The following KCNQ1 variants were observed in gnomAD, a reference collection of about 807,000 sequenced individuals.
KCNQ1 encodes the protein potassium voltage-gated channel subfamily Q member 1.
KCNQ1 carries 49 observed loss-of-function variants against 72.4 expected under a neutral mutation model. That is an observed-to-expected ratio of 0.68 (90% CI 0.54 to 0.86). The LOEUF is 0.86. Among genes scored for constraint, KCNQ1 ranks in the 40% least tolerant of loss-of-function variants. KCNQ1 has a pLI of 0.00. For synonymous variants in KCNQ1, 450 were observed against 412.6 expected, an observed-to-expected ratio of 1.09 and a Z score of -1.10; for missense variants, 790 against 945.1, an observed-to-expected ratio of 0.84 and a Z score of 2.15.
Position 2,766,452 on chromosome 11 carries a change from G to A in KCNQ1, c.1515-2392G>A, listed in dbSNP as rs1418006200. Among the ~76,000 whole-genome samples the A allele has an allele frequency of 6.6e-6, 1 of 152,186 alleles. No individual in the cohort carries two copies. Among genetic ancestry groups the A allele is most frequent in the Non-Finnish European group, 1.5e-5 (1 of 68,042 alleles). ...CAGGCTAGCTCAGACTTGTCCATGA[G>A]CCAACAGAATTCTAAGAGGGTAAGA... On this transcript the variant is annotated intron_variant, in intron 11 of 15. Transcript: ENST00000155840. The surrounding 1 kb of genome is among the most constrained non-coding windows in gnomAD (Gnocchi z 4.4).
rs1847687097 is a variant in KCNQ1, at chr11:2,819,409, A to C, written c.1795-28358A>C. Among the ~76,000 whole-genome samples, 4 of 152,208 alleles carry C rather than the reference A, an allele frequency of 2.6e-5. No homozygotes were observed. The South Asian group carries it at 8.3e-4, about 31-fold the overall frequency. On this transcript the variant is annotated intron_variant, in intron 15 of 15. Coordinates refer to ENST00000155840, the MANE Select transcript of KCNQ1 (RefSeq NM_000218.3). ...ACATCCAACACGTGTCAGCCCATAC[A>C]TGAGGGTAGAAGTCCAGTTGAAAAC...
chr11:2,719,326 T>C, intron 11 of KCNQ1, among the ~76,000 whole-genome samples: 1 of 72,438 alleles, frequency 1.4e-5, no homozygotes, highest in Non-Finnish European at 2.7e-5. Flanking sequence ...AGACTCTGTC[T>C]CTACCAAAAA....
chr11:2,498,374 A>G lies in KCNQ1; in HGVS notation c.387-29554A>G, dbSNP rs752399697. On this transcript the variant is annotated intron_variant, in intron 1 of 15. Transcript: ENST00000155840. This position sits in a 1 kb window ranked among gnomAD's most constrained non-coding sequence, Gnocchi z 4.8. ...ACTGGGGCTGCTGCCTTTCTTTCAGAGATGCCCTGCCCAGTGAGGAGGAAT... is the reference window on the plus strand; with the variant it reads ...ACTGGGGCTGCTGCCTTTCTTTCAGGGATGCCCTGCCCAGTGAGGAGGAAT... Among the ~76,000 whole-genome samples, 5 of 152,188 alleles carry G rather than the reference A, an allele frequency of 3.3e-5. No homozygotes were observed. Among genetic ancestry groups the G allele is most frequent in the Admixed American group, 2.0e-4 (3 of 15,282 alleles).
intron 15 of KCNQ1, among the ~76,000 whole-genome samples, chr11:2,801,061 T>C (rs1314861224): frequency 6.6e-6 from 1 of 152,126 alleles, no homozygotes; most frequent in Non-Finnish European, 1.5e-5. Context: ...GGTGCAGGGC[T>C]GGGGCAGGGC....
chr11:2,685,254 C>T (rs1247371670), intron 11 of KCNQ1: 1 of 398,564 alleles, frequency 2.5e-6, no homozygotes, highest in Non-Finnish European at 4.4e-6. Context: ...TACCAAACTC[C>T]AGGGCACACG....
rs1327180276 is a variant in KCNQ1 at position 2,613,210 on chromosome 11, C to T, written c.1393+24356C>T. ...ATAACTCTGTCCTGTATTTTACTGT[C>T]TGCTTGCAAAAGGTCTCACAGTCAG... On this transcript the variant is annotated intron_variant, in intron 10 of 15. Coordinates refer to ENST00000155840, the MANE Select transcript of KCNQ1 (RefSeq NM_000218.3). The surrounding 1 kb of genome is among the most constrained non-coding windows in gnomAD (Gnocchi z 4.8). 2 of 398,544 alleles carry T rather than the reference C, an allele frequency of 5.0e-6. No homozygotes were observed. The highest frequency in any genetic ancestry group is 4.4e-5 in the Admixed American group (1 of 22,718). The allele number at this position is 398,544 out of a possible 1,614,324, so 24.7% of individuals were successfully genotyped here.
At chr11:2,539,456 A>G (rs373910721) in intron 2 of KCNQ1, among the ~76,000 whole-genome samples, 1 of 152,202 alleles carries the variant, frequency 6.6e-6, no homozygotes, top group African/African-American at 2.4e-5. Context: ...AATACCTGAC[A>G]TCTTTGCGGG....
chr11:2,711,719 T>C lies in KCNQ1; in HGVS notation c.1514+49638T>C, dbSNP rs1045247311. 6.6e-6 allele frequency among the ~76,000 whole-genome samples: 1 copy of C among 152,230 alleles called. No homozygotes were observed. The highest frequency in any genetic ancestry group is 1.5e-5 in the Non-Finnish European group (1 of 68,038). On this transcript the variant is annotated intron_variant, in intron 11 of 15. Coordinates refer to ENST00000155840, the MANE Select transcript of KCNQ1 (RefSeq NM_000218.3). The surrounding 1 kb of genome is among the most constrained non-coding windows in gnomAD (Gnocchi z 5.4). ...AACTAAGTGAGGTATCTTAAGGCTTTACCACCAGGGAAATAGAACTTTGGC... is the reference window on the plus strand; with the variant it reads ...AACTAAGTGAGGTATCTTAAGGCTTCACCACCAGGGAAATAGAACTTTGGC...
chr11:2,616,267 T>C (rs1849062833), intron 10 of KCNQ1: 1 of 397,692 alleles, frequency 2.5e-6, no homozygotes, highest in South Asian at 1.3e-4. Flanking sequence ...ATTTTAGATA[T>C]GTGCAACTTC....
intron 11 of KCNQ1, among the ~76,000 whole-genome samples, chr11:2,749,980 G>T (rs1846201539): frequency 6.6e-6 from 1 of 151,404 alleles, no homozygotes. Context: ...AAAATAAAAA[G>T]TACAGGGGCT....
chr11:2,698,089 G>A lies in KCNQ1; in HGVS notation c.1514+36008G>A, dbSNP rs557145101. ...GCCTGCTTTCCTTCAAGTACTGACTGAGTAAGGCTGTGTATCAGGCTCTTG... is the reference window on the plus strand; with the variant it reads ...GCCTGCTTTCCTTCAAGTACTGACTAAGTAAGGCTGTGTATCAGGCTCTTG... On this transcript the variant is annotated intron_variant, in intron 11 of 15. Coordinates refer to ENST00000155840, the MANE Select transcript of KCNQ1 (RefSeq NM_000218.3). The surrounding 1 kb of genome is among the most constrained non-coding windows in gnomAD (Gnocchi z 5.1). 4.0e-5 allele frequency: 16 copies of A among 398,638 alleles called. No homozygotes were observed. In the South Asian group the frequency reaches 1.8e-3, roughly 44 times the overall value. The allele number at this position is 398,638 out of a possible 1,614,324, so 24.7% of individuals were successfully genotyped here.
chr11:2,838,954 G>T (rs1848144661), intron 15 of KCNQ1, among the ~76,000 whole-genome samples: 1 of 152,148 alleles, frequency 6.6e-6, no homozygotes, highest in Admixed American at 6.5e-5. Context: ...CGACGTTCCT[G>T]CCCGCCTGGC....
chr11:2,792,722 G>A (rs1847052436), intron 15 of KCNQ1, among the ~76,000 whole-genome samples: 2 of 152,224 alleles, frequency 1.3e-5, no homozygotes, highest in Admixed American at 1.3e-4. Flanking sequence ...GGGGAGCCTG[G>A]GGGCGCAGAC....
intron 1 of KCNQ1, among the ~76,000 whole-genome samples, chr11:2,525,339 TC>T (rs1476058701): frequency 2.0e-5 from 3 of 152,194 alleles, no homozygotes; most frequent in African/African-American, 7.2e-5. Flanking sequence ...TACGGAGGGC[TC>T]CCCACAGGGT....
At chr11:2,641,744 T>C (rs1201431954) in intron 10 of KCNQ1, 1 of 398,358 alleles carries the variant, frequency 2.5e-6, no homozygotes, top group African/African-American at 2.1e-5. Flanking sequence ...CAATGTCTCC[T>C]TCATTAATAG....
chr11:2,810,305 A>C (rs955690364), intron 15 of KCNQ1, among the ~76,000 whole-genome samples: 3 of 152,122 alleles, frequency 2.0e-5, no homozygotes, highest in Non-Finnish European at 2.9e-5. Context: ...GGCTCTTTGG[A>C]AACTTTAGTC....
chr11:2,666,232 T>C (rs543784324), intron 11 of KCNQ1: 62 of 398,208 alleles, frequency 1.6e-4, no homozygotes, highest in Non-Finnish European at 2.3e-4. Context: ...ACCCGGCCCA[T>C]TGAGATGGGC....
chr11:2,633,987 G>C (rs1849407173), intron 10 of KCNQ1: 2 of 398,446 alleles, frequency 5.0e-6, no homozygotes, highest in African/African-American at 4.1e-5. Flanking sequence ...TGTTGTTGAA[G>C]AGTCGACTGT....
Position 2,632,658 on chromosome 11 carries a change from T to C in KCNQ1, c.1394-29303T>C, listed in dbSNP as rs964957887. The C allele has an allele frequency of 8.8e-5, 35 of 398,310 alleles. No homozygotes were observed. The Admixed American group carries it at 1.5e-3, about 17-fold the overall frequency. 24.7% of individuals were successfully genotyped at this position (398,310 alleles called of 1,614,324 possible). ...TTCATCAACTCAAATATCATTTCTC[T>C]GTTTTGTGAGCAGTCAAAATCCTCC... On this transcript the variant is annotated intron_variant, in intron 10 of 15. Transcript: ENST00000155840.
Sources: allele counts gnomAD v4.1 joint callset (sites outside exome capture counted in the v4.1 genomes callset), GRCh38; gene constraint gnomAD v4.1.1; non-coding constraint Gnocchi (gnomAD v3.1); transcripts MANE v1.5; gene names NCBI Gene and HGNC (gene_info 2026-07-23, HGNC 2026-07-21).